The following CCBE1 variants were observed in gnomAD, a reference collection of about 807,000 sequenced individuals.
CCBE1 encodes collagen and calcium-binding EGF domain-containing protein 1.
CCBE1 carries 37 observed loss-of-function variants against 50.0 expected under a neutral mutation model. The observed-to-expected ratio is 0.74, with a 90% CI of 0.57 to 0.97. CCBE1 has a LOEUF of 0.97. Among genes scored for constraint, CCBE1 ranks in the 50% least tolerant of loss-of-function variants. The probability of loss-of-function intolerance (pLI) is 0.00; values close to 1 mark genes in which losing one functional copy is unlikely to be tolerated. For synonymous variants in CCBE1, 234 were observed against 203.7 expected, an observed-to-expected ratio of 1.15 and a Z score of -1.27; for missense variants, 538 against 523.8, an observed-to-expected ratio of 1.03 and a Z score of -0.26.
chr18:59,516,251 TC>T (rs1363122758), intron 2 of CCBE1, among the ~76,000 whole-genome samples: 7 of 151,994 alleles, frequency 4.6e-5, no homozygotes, highest in Admixed American at 4.6e-4. Context: ...TTTTTTTTTT[TC>T]TTATCAACTC....
chr18:59,630,436 A>G (rs1263886554), intron 2 of CCBE1, among the ~76,000 whole-genome samples: 2 of 152,182 alleles, frequency 1.3e-5, no homozygotes, highest in African/African-American at 4.8e-5. Context: ...GGCTTAGGAA[A>G]ACCACCATTT....
At chr18:59,442,222 G>T (rs935138376) in intron 7 of CCBE1, among the ~76,000 whole-genome samples, 3 of 152,088 alleles carry the variant, frequency 2.0e-5, no homozygotes, top group Non-Finnish European at 4.4e-5. Context: ...TAGTCTCAGT[G>T]CTGTGTCGAT....
intron 6 of CCBE1, among the ~76,000 whole-genome samples, chr18:59,453,713 C>T (rs1343458612): frequency 6.6e-6 from 1 of 152,164 alleles, no homozygotes; most frequent in Non-Finnish European, 1.5e-5. Context: ...AGGGAAGATA[C>T]ACCTCTCTGA....
At chr18:59,495,282 ATT>A (rs761188684) in intron 2 of CCBE1, among the ~76,000 whole-genome samples, 118 of 152,188 alleles carry the variant, frequency 7.8e-4, no homozygotes, top group African/African-American at 2.7e-3. Flanking sequence ...CGTAACTGTG[ATT>A]AACATGGTTA....
Position 59,588,755 on chromosome 18 carries a change from C to G in CCBE1, c.212+107874G>C, listed in dbSNP as rs76454194. ...AACCAGAAGTGCTTCTCAGAACCAA[C>G]CTCCAGCAGTGCCAAGTGACCAGCA... On this transcript the variant is annotated intron_variant, in intron 2 of 10. Transcript: ENST00000439986. Among the ~76,000 whole-genome samples, 313 of 152,282 alleles carry G rather than the reference C, an allele frequency of 2.1e-3. 4 individuals carry two copies. In the East Asian group the frequency reaches 0.032, roughly 16 times the overall value.
chr18:59,538,891 A>T (rs1008365352), intron 2 of CCBE1, among the ~76,000 whole-genome samples: 9 of 152,242 alleles, frequency 5.9e-5, no homozygotes, highest in Admixed American at 5.9e-4. Context: ...AAGTTATAAA[A>T]GACTAGGCTG....
At chr18:59,623,565 C>T (rs2053740080) in intron 2 of CCBE1, among the ~76,000 whole-genome samples, 1 of 152,188 alleles carries the variant, frequency 6.6e-6, no homozygotes, top group African/African-American at 2.4e-5. Flanking sequence ...GGAACATGTT[C>T]ACATAATGCA....
At chr18:59,507,106 T>C (rs1033380420) in intron 2 of CCBE1, among the ~76,000 whole-genome samples, 7 of 152,182 alleles carry the variant, frequency 4.6e-5, no homozygotes, top group Non-Finnish European at 1.0e-4. Flanking sequence ...CCTGGAAATA[T>C]TCACCAAGAT....
intron 2 of CCBE1, among the ~76,000 whole-genome samples, chr18:59,534,743 T>C (rs943883796): frequency 6.6e-6 from 1 of 152,186 alleles, no homozygotes; most frequent in East Asian, 1.9e-4. Flanking sequence ...ATCTAGATTG[T>C]TTGGTTCCAG....
intron 2 of CCBE1, among the ~76,000 whole-genome samples, chr18:59,670,971 A>G (rs1403946679): frequency 1.3e-5 from 2 of 152,212 alleles, no homozygotes; most frequent in Admixed American, 6.5e-5. Context: ...TTTCAATCCT[A>G]TCACTCCATC....
chr18:59,591,636 T>C (rs1214679154), intron 2 of CCBE1, among the ~76,000 whole-genome samples: 2 of 152,018 alleles, frequency 1.3e-5, no homozygotes, highest in Admixed American at 6.6e-5. Flanking sequence ...CTGGCAAAAA[T>C]GAAAGAGCTC....
At chr18:59,598,150 C>G (rs2053381809) in intron 2 of CCBE1, among the ~76,000 whole-genome samples, 1 of 152,190 alleles carries the variant, frequency 6.6e-6, no homozygotes, top group Non-Finnish European at 1.5e-5. Flanking sequence ...CGACAGAGAG[C>G]ATACCAGCTA....
At position 59,512,551 on chromosome 18, in the gene CCBE1, G is replaced by A. The variant is rs144619958; in HGVS notation, c.213-32313C>T. On this transcript the variant is annotated intron_variant, in intron 2 of 10. Transcript: ENST00000439986. The stretch of plus-strand genomic sequence containing the variant: ...TTAGAGGAACAGAATTAAAGAATGT[G>A]CTGGCCACGTGCCATTCCCTGTATG... 5.2e-3 allele frequency among the ~76,000 whole-genome samples: 794 copies of A among 152,360 alleles called. 6 individuals carry two copies. Among genetic ancestry groups the A allele is most frequent in the African/African-American group, 0.018 (732 of 41,594 alleles).
At chr18:59,491,722 G>C (rs973842750) in intron 2 of CCBE1, among the ~76,000 whole-genome samples, 1 of 149,722 alleles carries the variant, frequency 6.7e-6, no homozygotes, top group African/African-American at 2.5e-5. Context: ...GCTGAGGCAG[G>C]AGAATCACTT....
chr18:59,444,142 T>G (rs1910569389), intron 7 of CCBE1, among the ~76,000 whole-genome samples: 2 of 152,230 alleles, frequency 1.3e-5, no homozygotes, highest in African/African-American at 4.8e-5. Context: ...TCTTATCCAT[T>G]GATGGACACC....
chr18:59,463,654 G>C (rs1911598193), intron 5 of CCBE1, among the ~76,000 whole-genome samples: 1 of 152,148 alleles, frequency 6.6e-6, no homozygotes, highest in Non-Finnish European at 1.5e-5. Flanking sequence ...CTCCCTCACA[G>C]GCAGGAACTC....
chr18:59,581,368 G>A (rs1228794974), intron 2 of CCBE1, among the ~76,000 whole-genome samples: 2 of 151,438 alleles, frequency 1.3e-5, no homozygotes, highest in Non-Finnish European at 2.9e-5. Context: ...TTGAACCTGG[G>A]AGGTGGAAAT....
intron 2 of CCBE1, among the ~76,000 whole-genome samples, chr18:59,542,768 G>A (rs909730819): frequency 1.3e-5 from 2 of 151,974 alleles, no homozygotes; most frequent in African/African-American, 4.8e-5. Flanking sequence ...TTTCCTCCCC[G>A]CAGGCAGTAA....
At chr18:59,479,389 C>T (rs1352607709) in intron 3 of CCBE1, among the ~76,000 whole-genome samples, 1 of 152,126 alleles carries the variant, frequency 6.6e-6, no homozygotes, top group Admixed American at 6.5e-5. Context: ...GTATATGTCC[C>T]CTCTGAACAC....
Sources: gnomAD v4.1 joint callset for allele counts (sites outside exome capture counted in the v4.1 genomes callset) on GRCh38, gnomAD v4.1.1 for gene constraint, MANE v1.5 for transcripts, NCBI Gene and HGNC (gene_info 2026-07-23, HGNC 2026-07-21) for gene names.